EXOC4: variants seen among roughly 807,000 people sequenced by gnomAD.
The protein encoded by EXOC4 is exocyst complex component 4.
In EXOC4, 71 loss-of-function variants were observed where a neutral mutation model predicts 107.2. The ratio of observed to expected loss-of-function variants is 0.66; its 90% confidence interval spans 0.55 to 0.81. EXOC4 has a LOEUF of 0.81. EXOC4 is among the 30% of genes least tolerant of loss of function. EXOC4 has a pLI of 0.00. For synonymous variants in EXOC4, 456 were observed against 441.2 expected (o/e 1.03, Z -0.42); for missense variants, 1,108 against 1,189.6 (o/e 0.93, Z 1.01).
chr7:134,030,057 G>C (rs546549208), intron 17 of EXOC4, among the ~76,000 whole-genome samples: 1 of 152,296 alleles, frequency 6.6e-6, no homozygotes, highest in Non-Finnish European at 1.5e-5. Flanking sequence ...ATAAATGTGA[G>C]AGCTAGTCAT....
At chr7:133,432,130 G>A (rs997411050) in intron 7 of EXOC4, among the ~76,000 whole-genome samples, 6 of 152,026 alleles carry the variant, frequency 3.9e-5, no homozygotes, top group Non-Finnish European at 8.8e-5. Context: ...TCCCTTTAAT[G>A]TTGGGAGTTG....
chr7:133,765,413 T>G (rs1274512177), intron 10 of EXOC4, among the ~76,000 whole-genome samples: 5 of 152,008 alleles, frequency 3.3e-5, no homozygotes, highest in Non-Finnish European at 7.4e-5. Flanking sequence ...TTGTTCTCAT[T>G]TAAAAAACCC....
chr7:133,884,496 AAC>A (rs1799035145), intron 11 of EXOC4, among the ~76,000 whole-genome samples: 2 of 152,106 alleles, frequency 1.3e-5, no homozygotes, highest in South Asian at 2.1e-4. Context: ...CCTAGCTCAG[AAC>A]ACACATTCAG....
intron 7 of EXOC4, among the ~76,000 whole-genome samples, chr7:133,435,509 C>T (rs1243443186): frequency 6.6e-6 from 1 of 152,182 alleles, no homozygotes; most frequent in Non-Finnish European, 1.5e-5. Context: ...TCTGTGGCAT[C>T]ATGCACATGA....
chr7:133,697,615 G>A (rs1216974620), intron 10 of EXOC4, among the ~76,000 whole-genome samples: 1 of 152,212 alleles, frequency 6.6e-6, no homozygotes, highest in East Asian at 1.9e-4. Flanking sequence ...CTTGGCCATA[G>A]GTATGGGGAC....
rs28478080 is a variant in EXOC4 at position 133,444,942 on chromosome 7, A to G, written c.1183-30386A>G. 2.6e-3 allele frequency among the ~76,000 whole-genome samples: 396 copies of G among 152,264 alleles called. 3 individuals are homozygous for G. The highest frequency in any genetic ancestry group is 9.0e-3 in the African/African-American group (372 of 41,544). On this transcript the variant is annotated intron_variant, in intron 7 of 17. Coordinates refer to ENST00000253861, the MANE Select transcript of EXOC4 (RefSeq NM_021807.4). ...TTTTTGGAGCTCTTTTTAATCATGT[A>G]TATTTGCCTAGAGATTAACAACACG...
chr7:133,629,696 A>G (rs1802542627), intron 9 of EXOC4, among the ~76,000 whole-genome samples: 1 of 149,310 alleles, frequency 6.7e-6, no homozygotes, highest in Non-Finnish European at 1.5e-5. Context: ...ACATGCGACC[A>G]TGCCTGGCTA....
At chr7:133,921,324 G>A (rs1418987274) in intron 13 of EXOC4, among the ~76,000 whole-genome samples, 1 of 152,112 alleles carries the variant, frequency 6.6e-6, no homozygotes, top group Non-Finnish European at 1.5e-5. Context: ...TGTTGGTGAG[G>A]GAGGATCTTC....
intron 9 of EXOC4, among the ~76,000 whole-genome samples, chr7:133,616,756 G>A (rs1265684795): frequency 2.6e-5 from 4 of 152,066 alleles, no homozygotes; most frequent in Non-Finnish European, 5.9e-5. Flanking sequence ...AAAACATACA[G>A]TTCATTCTCA....
chr7:133,619,560 C>G (rs76749736), intron 9 of EXOC4, among the ~76,000 whole-genome samples: 2,950 of 152,258 alleles, frequency 0.019, 64 homozygotes, highest in African/African-American at 0.059. Flanking sequence ...GGATTCTCAG[C>G]TAGCCAACCA....
chr7:133,292,922 C>G (rs1425838585), intron 3 of EXOC4, among the ~76,000 whole-genome samples: 3 of 152,088 alleles, frequency 2.0e-5, no homozygotes, highest in Non-Finnish European at 2.9e-5. Context: ...TCTGTTTTTT[C>G]TTCTCTGGTT....
intron 14 of EXOC4, among the ~76,000 whole-genome samples, chr7:133,945,115 T>G (rs188667414): frequency 5.9e-4 from 90 of 152,270 alleles, no homozygotes; most frequent in Non-Finnish European, 1.0e-3. Context: ...AATACTGATG[T>G]AGAGATTTTG....
intron 9 of EXOC4, among the ~76,000 whole-genome samples, chr7:133,592,893 G>T (rs1031579116): frequency 5.3e-5 from 8 of 152,084 alleles, no homozygotes; most frequent in African/African-American, 1.4e-4. Flanking sequence ...GAGCCACTGC[G>T]CTTGGCCCAT....
At chr7:134,046,911 C>G (rs958342524) in intron 17 of EXOC4, among the ~76,000 whole-genome samples, 1 of 152,092 alleles carries the variant, frequency 6.6e-6, no homozygotes, top group Non-Finnish European at 1.5e-5. Context: ...GCAAATGTTG[C>G]GCTCCAAAGG....
intron 15 of EXOC4, among the ~76,000 whole-genome samples, chr7:134,000,499 G>A (rs1027150086): frequency 2.6e-5 from 4 of 152,060 alleles, no homozygotes; most frequent in African/African-American, 9.7e-5. Context: ...TTAAGAATTA[G>A]TTGGTTTGAA....
chr7:133,565,670 ACT>A (rs1305050439), intron 9 of EXOC4, among the ~76,000 whole-genome samples: 6 of 152,220 alleles, frequency 3.9e-5, no homozygotes, highest in Non-Finnish European at 7.3e-5. Flanking sequence ...AAAATAATTC[ACT>A]GTTTATCTGA....
chr7:133,946,911 A>G (rs932552423), intron 14 of EXOC4, among the ~76,000 whole-genome samples: 3 of 152,260 alleles, frequency 2.0e-5, no homozygotes, highest in Admixed American at 1.3e-4. Flanking sequence ...TGGCTCCCCA[A>G]TCATGGTTAC....
At chr7:133,323,881 A>G (rs1417551789) in intron 5 of EXOC4, among the ~76,000 whole-genome samples, 12 of 152,106 alleles carry the variant, frequency 7.9e-5, no homozygotes, top group Non-Finnish European at 1.3e-4. Context: ...TATTGCCTCA[A>G]TTTCAGAGCC....
intron 10 of EXOC4, among the ~76,000 whole-genome samples, chr7:133,796,594 C>CA (rs1342721238): frequency 1.3e-5 from 2 of 152,000 alleles, no homozygotes. Context: ...CCCATCTCTA[C>CA]AAAAAATATA....
Sources: gnomAD v4.1 joint callset for allele counts (sites outside exome capture counted in the v4.1 genomes callset) on GRCh38, gnomAD v4.1.1 for gene constraint, MANE v1.5 for transcripts, NCBI Gene and HGNC (gene_info 2026-07-23, HGNC 2026-07-21) for gene names.